SLC44A5: variants seen among roughly 807,000 people sequenced by gnomAD.
SLC44A5 encodes solute carrier family 44 member 5.
A neutral mutation model predicts 101.8 loss-of-function variants in SLC44A5; 57 were observed. The ratio of observed to expected loss-of-function variants is 0.56; its 90% CI spans 0.45 to 0.70. The LOEUF is 0.70. Among genes scored for constraint, SLC44A5 ranks in the 30% least tolerant of loss-of-function variants. SLC44A5 has a pLI of 0.00. For missense variants in SLC44A5, 737 were observed against 853.1 expected (o/e 0.86, Z 1.70); for synonymous variants, 281 against 290.9 (o/e 0.97, Z 0.35).
At chr1:75,367,861 AT>A (rs879322304) in intron 3 of SLC44A5, among the ~76,000 whole-genome samples, 1 of 152,230 alleles carries the variant, frequency 6.6e-6, no homozygotes, top group East Asian at 1.9e-4. Flanking sequence ...CCACAAAGGC[AT>A]TTTTTTCCCA....
chr1:75,721,369 T>G, the SLC44A5 span, among the ~76,000 whole-genome samples: 1 of 152,228 alleles, frequency 6.6e-6, no homozygotes, highest in African/African-American at 2.4e-5. Flanking sequence ...CAACATAAAT[T>G]TGTAAGCTTT....
intron 12 of SLC44A5, among the ~76,000 whole-genome samples, chr1:75,232,957 T>C (rs1287234623): frequency 6.6e-6 from 1 of 152,188 alleles, no homozygotes; most frequent in Non-Finnish European, 1.5e-5. Flanking sequence ...ATTTTTGATG[T>C]CTACTACCAT....
intron 2 of SLC44A5, among the ~76,000 whole-genome samples, chr1:75,490,773 C>G (rs193204596): frequency 1.2e-4 from 18 of 152,266 alleles, no homozygotes; most frequent in East Asian, 3.9e-4. Flanking sequence ...AAGATTAATT[C>G]TATCTCCAGT....
chr1:75,507,253 G>A (rs183130643), intron 2 of SLC44A5, among the ~76,000 whole-genome samples: 9 of 152,096 alleles, frequency 5.9e-5, no homozygotes, highest in African/African-American at 1.4e-4. Flanking sequence ...AGTTTTTATC[G>A]TGAAAGGATG....
intron 2 of SLC44A5, chr1:75,521,540 G>A (rs750075596): frequency 6.6e-6 from 1 of 152,146 alleles, no homozygotes; most frequent in Non-Finnish European, 1.5e-5. Flanking sequence ...AAACATAAAG[G>A]AGAATTTGAA....
the SLC44A5 span, among the ~76,000 whole-genome samples, chr1:75,703,408 G>A: frequency 2.2e-5 from 3 of 136,170 alleles, no homozygotes; most frequent in African/African-American, 8.0e-5. Context: ...AATATCACAA[G>A]GAGAAAAAAA....
chr1:75,320,504 C>T (rs549100756), intron 4 of SLC44A5, among the ~76,000 whole-genome samples: 2 of 151,844 alleles, frequency 1.3e-5, no homozygotes, highest in African/African-American at 2.4e-5. Flanking sequence ...CTTAGCATAA[C>T]GAAAAGAAAA....
At chr1:75,528,628 A>G (rs1322448033) in intron 2 of SLC44A5, among the ~76,000 whole-genome samples, 4 of 152,186 alleles carry the variant, frequency 2.6e-5, no homozygotes, top group Admixed American at 1.3e-4. Context: ...GAATGCAGCC[A>G]GAGTCCTTAC....
intron 13 of SLC44A5, among the ~76,000 whole-genome samples, chr1:75,225,421 AT>A (rs1293016238): frequency 1.1e-4 from 17 of 152,156 alleles, no homozygotes; most frequent in African/African-American, 3.9e-4. Context: ...ACACATGACT[AT>A]CCTATATCCC....
intron 3 of SLC44A5, among the ~76,000 whole-genome samples, chr1:75,350,668 G>A (rs1456610633): frequency 6.6e-6 from 1 of 151,778 alleles, no homozygotes; most frequent in East Asian, 1.9e-4. Flanking sequence ...GCCAAGGCGG[G>A]AGGATCACAA....
the SLC44A5 span, chr1:75,710,172 C>CA: frequency 7.9e-5 from 12 of 152,120 alleles, no homozygotes; most frequent in African/African-American, 2.9e-4. Flanking sequence ...GTGATGGTTT[C>CA]ACAGGTGTAT....
rs111934650 is a variant in SLC44A5 at position 75,242,227 on chromosome 1, T to C, written c.472-166A>G. ...AAGATTATCACACACACAATCTTGC[T>C]TGACATTCTTAACTGTCCTAACTGT... On this transcript the variant is annotated intron_variant, in intron 8 of 23. Transcript: ENST00000370859. 1.7e-3 allele frequency among the ~76,000 whole-genome samples: 253 copies of C among 152,224 alleles called. 2 individuals are homozygous for C. Among genetic ancestry groups the C allele is most frequent in the Admixed American group, 2.0e-3 (30 of 15,278 alleles).
rs538813683 is a variant in SLC44A5, at chr1:75,350,654, G to A, written c.53-11024C>T. Reference sequence around the variant, plus strand: ...TCACGCCTGTAATCCCAACACTTTCGGAGGCCAAGGCGGGAGGATCACAAG... The same window carrying A: ...TCACGCCTGTAATCCCAACACTTTCAGAGGCCAAGGCGGGAGGATCACAAG... On this transcript the variant is annotated intron_variant, in intron 3 of 23. Coordinates refer to ENST00000370859, the MANE Select transcript of SLC44A5 (RefSeq NM_001130058.2). 6.6e-5 allele frequency among the ~76,000 whole-genome samples: 10 copies of A among 151,744 alleles called. No individual in the cohort carries two copies. In the East Asian group the frequency reaches 1.4e-3, roughly 21 times the overall value.
chr1:75,674,901 G>C, the SLC44A5 span, among the ~76,000 whole-genome samples: 2 of 152,130 alleles, frequency 1.3e-5, no homozygotes, highest in South Asian at 4.1e-4. Flanking sequence ...TGTCAGGTTT[G>C]TCGAATATCA....
chr1:75,320,574 T>C (rs781324163), intron 4 of SLC44A5, among the ~76,000 whole-genome samples: 1 of 152,202 alleles, frequency 6.6e-6, no homozygotes, highest in Non-Finnish European at 1.5e-5. Context: ...TCATTCTATA[T>C]GCCTAAGGAT....
intron 2 of SLC44A5, among the ~76,000 whole-genome samples, chr1:75,532,967 A>G (rs1359912471): frequency 1.3e-5 from 2 of 152,214 alleles, no homozygotes; most frequent in African/African-American, 4.8e-5. Context: ...ATAATTAGCA[A>G]TCTAAACTTT....
chr1:75,411,823 C>A (rs1249796), intron 2 of SLC44A5, among the ~76,000 whole-genome samples: 38,963 of 151,996 alleles, frequency 0.26, 5,347 homozygotes, highest in African/African-American at 0.35. Flanking sequence ...TCCTTAACAG[C>A]TGTCACAGCA....
chr1:75,571,788 A>G (rs973521685), intron 1 of SLC44A5, among the ~76,000 whole-genome samples: 1 of 152,218 alleles, frequency 6.6e-6, no homozygotes, highest in Non-Finnish European at 1.5e-5. Flanking sequence ...ACATAACTCC[A>G]CTAAGTTAAG....
rs144633217 is a variant in SLC44A5, at chr1:75,242,634, T to C, written c.471+252A>G. 2.0e-3 allele frequency among the ~76,000 whole-genome samples: 305 copies of C among 152,204 alleles called. 2 individuals carry two copies. Among genetic ancestry groups the C allele is most frequent in the African/African-American group, 6.7e-3 (280 of 41,550 alleles). The stretch of plus-strand genomic sequence containing the variant: ...AAGTCTATCCAAGTAGAGAATTTAT[T>C]AGTGTCGGGGAATAGTAGAAGCTAA... On this transcript the variant is annotated intron_variant, in intron 8 of 23. Transcript: ENST00000370859.
Sources: allele counts gnomAD v4.1 joint callset (sites outside exome capture counted in the v4.1 genomes callset), GRCh38; gene constraint gnomAD v4.1.1; transcripts MANE v1.5; gene names NCBI Gene and HGNC (gene_info 2026-07-23, HGNC 2026-07-21).